The following FARP2 variants were observed in gnomAD, a reference collection of about 807,000 sequenced individuals.
FARP2 encodes FERM, ARHGEF and pleckstrin domain-containing protein 2.
A neutral mutation model predicts 130.5 loss-of-function variants in FARP2; 111 were observed. The ratio of observed to expected loss-of-function variants is 0.85; its 90% CI spans 0.73 to 1.00. The LOEUF (loss-of-function observed/expected upper bound fraction) is 1.00, where lower values mean the gene tolerates loss of function less well. FARP2 is among the 50% of genes least tolerant of loss of function. FARP2 has a pLI of 0.00. For synonymous variants in FARP2, 504 were observed against 516.9 expected, an observed-to-expected ratio of 0.98 and a Z score of 0.34; for missense variants, 1,385 against 1,346.3, an observed-to-expected ratio of 1.03 and a Z score of -0.45.
chr2:241,462,436 A>G, intron 14 of FARP2, 87 bp from the exon 15 acceptor site: 1 of 875,784 alleles, frequency 1.1e-6, no homozygotes, highest in Non-Finnish European at 1.9e-6. Flanking sequence ...AGCAGAAGAA[A>G]GCAAACATTA....
At chr2:241,490,481 G>T (rs942365861) in intron 22 of FARP2, among the ~76,000 whole-genome samples, 5 of 152,222 alleles carry the variant, frequency 3.3e-5, no homozygotes, top group Non-Finnish European at 4.4e-5. Context: ...TCCCAGTGTG[G>T]TATAGACTCA....
At chr2:241,437,643 T>C (rs1473917208) in intron 12 of FARP2, among the ~76,000 whole-genome samples, 1 of 138,856 alleles carries the variant, frequency 7.2e-6, no homozygotes, top group Admixed American at 8.5e-5. Context: ...CATATACATA[T>C]ATATATATTT....
chr2:241,357,649 C>G (rs1247397292), intron 1 of FARP2, among the ~76,000 whole-genome samples: 2 of 152,250 alleles, frequency 1.3e-5, no homozygotes, highest in Admixed American at 6.5e-5. Context: ...AGGGTACTTG[C>G]AAATACCATC....
At position 241,491,236 on chromosome 2, in the gene FARP2, T is replaced by C. The variant is rs571709363; in HGVS notation, c.2623+57T>C. The C allele has an allele frequency of 7.0e-6, 9 of 1,279,470 alleles. No individual in the cohort carries two copies. In the African/African-American group the frequency reaches 8.8e-5, roughly 12 times the overall value. The allele number at this position is 1,279,470 out of a possible 1,614,324, so 79.3% of individuals were successfully genotyped here. ...TCCACTACACCTAAGGAGGCTTTTTTTGGAAACTGTTTTCCTTGGTCCCCA... is the reference window on the plus strand; with the variant it reads ...TCCACTACACCTAAGGAGGCTTTTTCTGGAAACTGTTTTCCTTGGTCCCCA... On this transcript the variant is annotated intron_variant, in intron 23 of 26. Coordinates refer to ENST00000264042, the MANE Select transcript of FARP2 (RefSeq NM_014808.4).
intron 7 of FARP2, among the ~76,000 whole-genome samples, chr2:241,416,921 C>CGAGTGAGTGGGTGAGT (rs1048301923): frequency 6.6e-6 from 1 of 151,390 alleles, no homozygotes; most frequent in African/African-American, 2.4e-5. Flanking sequence ...AACGAATGAG[C>CGAGTGAGTGGGTGAGT]GAGTGAGTGG....
intron 2 of FARP2, among the ~76,000 whole-genome samples, chr2:241,379,397 A>G (rs1046298643): frequency 6.6e-6 from 1 of 152,194 alleles, no homozygotes; most frequent in Non-Finnish European, 1.5e-5. Context: ...GATTGCATCT[A>G]ATGAGCATGA....
At chr2:241,429,310 G>A (rs79511640) in intron 8 of FARP2, among the ~76,000 whole-genome samples, 5,209 of 152,182 alleles carry the variant, frequency 0.034, 293 homozygotes, top group African/African-American at 0.12. Context: ...CAGGCATTAT[G>A]TCTCTCTGGT....
chr2:241,478,790 C>T, intron 19 of FARP2: 1 of 413,074 alleles, frequency 2.4e-6, no homozygotes. Flanking sequence ...GGAGGAGGAA[C>T]TCACACAGGT....
At chr2:241,453,448 C>T (rs1366661768) in intron 13 of FARP2, among the ~76,000 whole-genome samples, 4 of 151,722 alleles carry the variant, frequency 2.6e-5, no homozygotes, top group Non-Finnish European at 4.4e-5. Flanking sequence ...TGGTGAAACC[C>T]CGTCTCTACT....
intron 8 of FARP2, among the ~76,000 whole-genome samples, chr2:241,425,568 G>C (rs2062913416): frequency 6.6e-6 from 1 of 150,540 alleles, no homozygotes; most frequent in Non-Finnish European, 1.5e-5. Flanking sequence ...CCGAGCCAGG[G>C]GGAAATTGAA....
intron 12 of FARP2, among the ~76,000 whole-genome samples, chr2:241,438,497 C>T (rs1228160444): frequency 6.6e-6 from 1 of 152,024 alleles, no homozygotes; most frequent in East Asian, 1.9e-4. Flanking sequence ...TTCAAGACTG[C>T]AGTGAGCCAC....
At chr2:241,468,067 A>G (rs1574885216) in intron 17 of FARP2, 73 bp from the exon 18 acceptor site, 4 of 1,044,210 alleles carry the variant, frequency 3.8e-6, no homozygotes, top group African/African-American at 1.6e-5. Flanking sequence ...CCTGCCATCA[A>G]GGAAAACAGG....
chr2:241,449,624 T>C (rs2063598637), intron 13 of FARP2, among the ~76,000 whole-genome samples: 1 of 152,324 alleles, frequency 6.6e-6, no homozygotes, highest in Admixed American at 6.5e-5. Context: ...TTAATTAACA[T>C]TGTGATTTTT....
intron 13 of FARP2, among the ~76,000 whole-genome samples, chr2:241,453,053 G>A (rs188401451): frequency 3.9e-5 from 6 of 152,094 alleles, no homozygotes; most frequent in Admixed American, 6.5e-5. Context: ...TAATAGGGCC[G>A]GAGCGGTGGC....
At chr2:241,453,621 CAA>C (rs555902009) in intron 13 of FARP2, among the ~76,000 whole-genome samples, 2 of 129,210 alleles carry the variant, frequency 1.5e-5, no homozygotes, top group Non-Finnish European at 1.6e-5. Context: ...GACTCTGTCT[CAA>C]AAAAAAAAAA....
rs2063965365 is a variant in FARP2 at position 241,459,834 on chromosome 2, G to A, written c.1588-2689G>A. ...GCTGATTGGGCGGGGCGGGGCGGGG[G>A]CAGGGGCGGGACGGAAGACCCTTCT... On this transcript the variant is annotated intron_variant, in intron 14 of 26. Transcript: ENST00000264042. The surrounding 1 kb of genome is among the most constrained non-coding windows in gnomAD (Gnocchi z 5.3). Among the ~76,000 whole-genome samples the A allele has an allele frequency of 7.0e-6, 1 of 143,150 alleles. No homozygotes were observed. The highest frequency in any genetic ancestry group is 1.5e-5 in the Non-Finnish European group (1 of 65,308). 93.9% of individuals were successfully genotyped at this position (143,150 alleles called of 152,430 possible).
chr2:241,465,487 G>T (rs773755314), intron 17 of FARP2: 13 of 1,550,506 alleles, frequency 8.4e-6, no homozygotes, highest in Non-Finnish European at 8.7e-6. Context: ...AGGGCATGTA[G>T]CAGGGGTCAC....
chr2:241,415,510 G>T (rs941407997), intron 7 of FARP2, among the ~76,000 whole-genome samples: 12 of 152,320 alleles, frequency 7.9e-5, no homozygotes, highest in Non-Finnish European at 1.5e-4. Context: ...ACAGTCCCTA[G>T]TGGATGGGTG....
At chr2:241,375,855 GTAGC>G (rs1464058535) in intron 2 of FARP2, among the ~76,000 whole-genome samples, 2 of 151,878 alleles carry the variant, frequency 1.3e-5, no homozygotes, top group African/African-American at 4.8e-5. Flanking sequence ...AGCCTCCCAA[GTAGC>G]TAGGACTACA....
Sources: allele counts gnomAD v4.1 joint callset (sites outside exome capture counted in the v4.1 genomes callset), GRCh38; gene constraint gnomAD v4.1.1; non-coding constraint Gnocchi (gnomAD v3.1); transcripts MANE v1.5; gene names NCBI Gene and HGNC (gene_info 2026-07-23, HGNC 2026-07-21).